The following NR2C1 variants were observed in gnomAD, a reference collection of about 807,000 sequenced individuals.
NR2C1 encodes TR2 nuclear hormone receptor.
In NR2C1, 33 loss-of-function variants were observed where a neutral mutation model predicts 74.8. That is an observed-to-expected ratio of 0.44 (90% CI 0.33 to 0.59). The LOEUF is 0.59. Among genes scored for constraint, NR2C1 ranks in the 20% least tolerant of loss-of-function variants. NR2C1 has a pLI of 0.02. For synonymous variants in NR2C1, 225 were observed against 240.6 expected (o/e 0.94, Z 0.60); for missense variants, 568 against 715.6 (o/e 0.79, Z 2.35).
intron 1 of NR2C1, among the ~76,000 whole-genome samples, chr12:95,070,505 A>G (rs754149377): frequency 6.6e-6 from 1 of 152,154 alleles, no homozygotes; most frequent in Non-Finnish European, 1.5e-5. Flanking sequence ...TAATTTGCCA[A>G]TGTATACCAA....
intron 11 of NR2C1, among the ~76,000 whole-genome samples, chr12:95,030,046 A>T (rs1187789428): frequency 6.6e-6 from 1 of 152,086 alleles, no homozygotes; most frequent in Non-Finnish European, 1.5e-5. Flanking sequence ...GCTAATTTTT[A>T]AAAAATTTCT....
At chr12:95,070,065 G>A (rs374965444) in intron 1 of NR2C1, among the ~76,000 whole-genome samples, 16 of 152,234 alleles carry the variant, frequency 1.1e-4, no homozygotes, top group African/African-American at 3.9e-4. Context: ...CTTCAAATAG[G>A]ATCCAGCCTG....
chr12:95,030,391 A>G (rs1442466854), intron 11 of NR2C1: 2 of 1,192,250 alleles, frequency 1.7e-6, no homozygotes, highest in Non-Finnish European at 2.2e-6. Context: ...TGTTAAGAAG[A>G]AAAAAACTGA....
At chr12:95,069,467 A>G (rs985841273) in intron 1 of NR2C1, among the ~76,000 whole-genome samples, 6 of 152,210 alleles carry the variant, frequency 3.9e-5, no homozygotes, top group Non-Finnish European at 7.3e-5. Flanking sequence ...AACTGCCTAC[A>G]GTACTCACTA....
intron 1 of NR2C1, among the ~76,000 whole-genome samples, chr12:95,069,060 T>C (rs994045650): frequency 6.6e-6 from 1 of 152,162 alleles, no homozygotes; most frequent in African/African-American, 2.4e-5. Context: ...AACTGCAAGT[T>C]TGGAAACAGG....
At chr12:95,051,985 CTATT>C (rs1873073965) in intron 7 of NR2C1, 42 bp from the exon 8 acceptor site, 2 of 1,325,814 alleles carry the variant, frequency 1.5e-6, no homozygotes, top group Non-Finnish European at 2.0e-6. Context: ...ATTGGTATCA[CTATT>C]TTTTTCAATC....
intron 3 of NR2C1, among the ~76,000 whole-genome samples, chr12:95,061,742 A>C (rs1473984110): frequency 1.3e-5 from 2 of 152,022 alleles, no homozygotes; most frequent in African/African-American, 4.8e-5. Flanking sequence ...CCCCTTCAAA[A>C]AGTTTCTGAA....
chr12:95,022,039 A>T lies in NR2C1; in HGVS notation c.*190T>A, dbSNP rs573071793. 4.4e-6 allele frequency: 2 copies of T among 453,572 alleles called. No individual in the cohort carries two copies. Among genetic ancestry groups the T allele is most frequent in the South Asian group, 9.2e-5 (2 of 21,640 alleles). The allele number at this position is 453,572 out of a possible 1,614,324, so 28.1% of individuals were successfully genotyped here. A position where few individuals can be genotyped will look rare whatever the true frequency, so the allele number is the denominator to read the frequency against. On this transcript the variant is annotated 3_prime_UTR_variant, in exon 14 of 14. Transcript: ENST00000333003. ...TTCATTTAAAGGAATCAGGAAGAAA[A>T]ATTCATTTAATTTCTGCTGCCTGCC...
chr12:95,022,519 A>G (rs1414367586), intron 13 of NR2C1, 116 bp from the exon 14 acceptor site: 2 of 890,982 alleles, frequency 2.2e-6, no homozygotes, highest in Middle Eastern at 3.5e-4. Flanking sequence ...AGCATTTTCA[A>G]AAGTTAAAAT....
At chr12:95,025,729 A>AGG (rs1869283134) in intron 12 of NR2C1, among the ~76,000 whole-genome samples, 1 of 150,416 alleles carries the variant, frequency 6.6e-6, no homozygotes. Context: ...CACCTACTAT[A>AGG]TACCAAGCAC....
rs923120687 is a variant in NR2C1 at position 95,057,717 on chromosome 12, C to CTT, written c.692+13_692+14insAA. On this transcript the variant is annotated intron_variant, in intron 6 of 13. Transcript: ENST00000333003. ...AACAAAATGACCAGCTACTCAGTGTCTGTTTTACTTTACCTTGTACTTTCA... is the reference window on the plus strand; with the variant it reads ...AACAAAATGACCAGCTACTCAGTGTCTTTGTTTTACTTTACCTTGTACTTTCA... The CTT allele has an allele frequency of 6.2e-7, 1 of 1,613,406 alleles. No individual in the cohort carries two copies.
At chr12:95,071,455 T>C (rs963776910) in intron 1 of NR2C1, among the ~76,000 whole-genome samples, 5 of 152,188 alleles carry the variant, frequency 3.3e-5, no homozygotes, top group African/African-American at 1.2e-4. Flanking sequence ...TTATTTATTG[T>C]ATGCTGTTTT....
chr12:95,060,651 T>A (rs1214396457), intron 3 of NR2C1, among the ~76,000 whole-genome samples: 1 of 152,180 alleles, frequency 6.6e-6, no homozygotes, highest in Non-Finnish European at 1.5e-5. Flanking sequence ...CGAGACTCCA[T>A]CTCAAAAACA....
chr12:95,068,577 C>T lies in NR2C1; in HGVS notation c.-7-1186G>A, dbSNP rs551665658. The stretch of plus-strand genomic sequence containing the variant: ...TGGGAGGCCAAGGTGGGCTGATTAC[C>T]GGAGATCAGGAGTTTGAGACTAGCC... On this transcript the variant is annotated intron_variant, in intron 1 of 13. Coordinates refer to ENST00000333003, the MANE Select transcript of NR2C1 (RefSeq NM_003297.4). Among the ~76,000 whole-genome samples the T allele has an allele frequency of 5.3e-5, 8 of 152,192 alleles. No homozygotes were observed. The South Asian group carries it at 6.2e-4, about 12-fold the overall frequency.
intron 1 of NR2C1, among the ~76,000 whole-genome samples, chr12:95,069,419 G>A (rs1015681681): frequency 2.6e-5 from 4 of 152,130 alleles, no homozygotes; most frequent in East Asian, 1.9e-4. Flanking sequence ...CCTCTTCCAC[G>A]TTTAGATTTG....
chr12:95,067,075 C>A (rs1875825347), intron 2 of NR2C1: 2 of 510,314 alleles, frequency 3.9e-6, no homozygotes, highest in South Asian at 2.6e-5. Flanking sequence ...TCTTTAATTT[C>A]TTTCCTTCCT....
chr12:95,045,592 G>A (rs1195123340), intron 9 of NR2C1, among the ~76,000 whole-genome samples: 1 of 152,112 alleles, frequency 6.6e-6, no homozygotes, highest in African/African-American at 2.4e-5. Context: ...TGAGGCTTAG[G>A]GAGAGTAACT....
At chr12:95,048,084 T>C (rs541202223) in intron 9 of NR2C1, among the ~76,000 whole-genome samples, 2 of 152,310 alleles carry the variant, frequency 1.3e-5, no homozygotes, top group East Asian at 3.9e-4. Flanking sequence ...TTTTTAAATT[T>C]TATTATGTAA....
At chr12:95,034,729 G>A (rs1407394578) in intron 10 of NR2C1, among the ~76,000 whole-genome samples, 1 of 152,124 alleles carries the variant, frequency 6.6e-6, no homozygotes, top group Non-Finnish European at 1.5e-5. Context: ...TTACTATTGT[G>A]TTACAACTGC....
Sources: allele counts gnomAD v4.1 joint callset (sites outside exome capture counted in the v4.1 genomes callset), GRCh38; gene constraint gnomAD v4.1.1; transcripts MANE v1.5; gene names NCBI Gene and HGNC (gene_info 2026-07-23, HGNC 2026-07-21).